Variants in DKK2 observed in about 807,000 individuals in gnomAD.
DKK2 encodes the protein dickkopf Wnt signaling pathway inhibitor 2.
In DKK2, 11 loss-of-function variants were observed where a neutral mutation model predicts 28.1. The ratio of observed to expected loss-of-function variants is 0.39; its 90% confidence interval spans 0.25 to 0.65. The LOEUF is 0.65. DKK2 is among the 30% of genes least tolerant of loss of function. The pLI, the probability that DKK2 is intolerant of heterozygous loss-of-function variation, is 0.47. For synonymous variants in DKK2, 135 were observed against 126.5 expected (o/e 1.07, Z -0.45); for missense variants, 326 against 335.5 (o/e 0.97, Z 0.22).
At chr4:106,928,566 A>G (rs998677015) in intron 1 of DKK2, among the ~76,000 whole-genome samples, 1 of 152,182 alleles carries the variant, frequency 6.6e-6, no homozygotes, top group Non-Finnish European at 1.5e-5. Flanking sequence ...TATGAATACA[A>G]TCAAGAAGGG....
intron 1 of DKK2, among the ~76,000 whole-genome samples, chr4:106,931,563 T>C (rs1165228829): frequency 6.6e-6 from 1 of 152,126 alleles, no homozygotes; most frequent in East Asian, 1.9e-4. Context: ...ATAAAATAAC[T>C]TGACTATTAA....
intron 1 of DKK2, among the ~76,000 whole-genome samples, chr4:106,944,492 C>A (rs1253584074): frequency 3.3e-5 from 5 of 152,032 alleles, no homozygotes; most frequent in Non-Finnish European, 7.4e-5. Context: ...TTTTTTCATA[C>A]CCTGATCCCA....
At chr4:106,928,232 T>C (rs1724451319) in intron 1 of DKK2, among the ~76,000 whole-genome samples, 1 of 152,140 alleles carries the variant, frequency 6.6e-6, no homozygotes, top group African/African-American at 2.4e-5. Flanking sequence ...ATTATAATAA[T>C]TTAATTTTGA....
rs190070115 is a variant in DKK2, at chr4:107,036,053, A to G, written c.-462T>C. ...TTGCTTTTCTCTCCTCTCTTTTCCT[A>G]TCCTTTATGTGTCAAACTTTGCAGG... is the stretch of plus-strand genomic sequence containing the variant. On this transcript the variant is annotated 5_prime_UTR_variant, in exon 1 of 4. Coordinates refer to ENST00000285311, the MANE Select transcript of DKK2 (RefSeq NM_014421.3). 8.6e-5 allele frequency: 15 copies of G among 175,262 alleles called. No individual in the cohort carries two copies. The highest frequency in any genetic ancestry group is 3.4e-4 in the Admixed American group (6 of 17,666). 10.9% of individuals were successfully genotyped at this position (175,262 alleles called of 1,614,324 possible).
intron 1 of DKK2, among the ~76,000 whole-genome samples, chr4:107,005,615 A>G (rs146056173): frequency 1.6e-3 from 247 of 152,240 alleles, no homozygotes; most frequent in African/African-American, 5.6e-3. Context: ...CTATGAATGC[A>G]GTCAAGCTCC....
At chr4:106,946,016 T>C (rs1225968806) in intron 1 of DKK2, among the ~76,000 whole-genome samples, 5 of 152,130 alleles carry the variant, frequency 3.3e-5, no homozygotes, top group African/African-American at 1.2e-4. Context: ...CAGGAGACCC[T>C]GAAAATAACA....
In DKK2 at chr4:106,921,909, A is replaced by G. The variant is rs563018051; in HGVS notation, c.*2045T>C. On this transcript the variant is annotated 3_prime_UTR_variant, in exon 4 of 4. Coordinates refer to ENST00000285311, the MANE Select transcript of DKK2 (RefSeq NM_014421.3). ...ATATTCTGCTACAAAGCTTTCTGTA[A>G]GAAATATCTCTATAAGAAAATACAT... 6.5e-6 allele frequency: 1 copy of G among 152,758 alleles called. No homozygotes were observed. Among genetic ancestry groups the G allele is most frequent in the African/African-American group, 2.4e-5 (1 of 41,584 alleles). The allele number at this position is 152,758 out of a possible 1,614,324, so 9.5% of individuals were successfully genotyped here. A position where few individuals can be genotyped will look rare whatever the true frequency, so the allele number is the denominator to read the frequency against.
At chr4:107,032,104 C>T (rs1371121516) in intron 1 of DKK2, among the ~76,000 whole-genome samples, 2 of 151,956 alleles carry the variant, frequency 1.3e-5, no homozygotes, top group African/African-American at 4.8e-5. Flanking sequence ...ATATACAGCA[C>T]ATACATGCAG....
chr4:107,009,738 A>T (rs1723489307), intron 1 of DKK2, among the ~76,000 whole-genome samples: 2 of 151,878 alleles, frequency 1.3e-5, no homozygotes, highest in Non-Finnish European at 2.9e-5. Context: ...TAAAATACAC[A>T]AGCCCTCACT....
intron 1 of DKK2, among the ~76,000 whole-genome samples, chr4:106,972,156 C>T (rs1201478019): frequency 6.6e-6 from 1 of 152,006 alleles, no homozygotes; most frequent in Non-Finnish European, 1.5e-5. Context: ...ACTGTAATTT[C>T]TTGTGCCTGA....
At chr4:106,969,261 C>A (rs1722827433) in intron 1 of DKK2, among the ~76,000 whole-genome samples, 1 of 151,638 alleles carries the variant, frequency 6.6e-6, no homozygotes, top group Non-Finnish European at 1.5e-5. Flanking sequence ...ATCTCCCCCT[C>A]CCCTCTCCCT....
At chr4:107,031,147 G>A (rs1334550335) in intron 1 of DKK2, among the ~76,000 whole-genome samples, 3 of 151,930 alleles carry the variant, frequency 2.0e-5, no homozygotes, top group East Asian at 1.9e-4. Context: ...GGAAAGGAAC[G>A]TTAATGTAGA....
intron 1 of DKK2, among the ~76,000 whole-genome samples, chr4:106,986,635 A>C (rs1470387841): frequency 2.0e-5 from 3 of 152,170 alleles, no homozygotes; most frequent in Non-Finnish European, 2.9e-5. Flanking sequence ...TGTTACATGT[A>C]ACTAGAGTGA....
At chr4:106,965,843 G>T (rs185270851) in intron 1 of DKK2, among the ~76,000 whole-genome samples, 3,823 of 147,372 alleles carry the variant, frequency 0.026, 61 homozygotes, top group Non-Finnish European at 0.036. Context: ...AGAATATGCG[G>T]TGTTTGGTTT....
At chr4:107,024,395 A>C (rs1723741354) in intron 1 of DKK2, among the ~76,000 whole-genome samples, 1 of 152,210 alleles carries the variant, frequency 6.6e-6, no homozygotes, top group Admixed American at 6.5e-5. Context: ...GAAATATGAA[A>C]GTATGACTAC....
intron 1 of DKK2, among the ~76,000 whole-genome samples, chr4:106,976,044 G>C (rs975707265): frequency 1.3e-5 from 2 of 152,136 alleles, no homozygotes; most frequent in Non-Finnish European, 2.9e-5. Context: ...ATGTAGTTGT[G>C]CGGTTTTGAG....
intron 1 of DKK2, among the ~76,000 whole-genome samples, chr4:107,030,288 A>C (rs1213708732): frequency 6.6e-6 from 1 of 152,096 alleles, no homozygotes; most frequent in Non-Finnish European, 1.5e-5. Flanking sequence ...GTTCCTGTCA[A>C]GAGTGGACAG....
chr4:106,965,715 A>G (rs1189052806), intron 1 of DKK2, among the ~76,000 whole-genome samples: 2 of 148,246 alleles, frequency 1.3e-5, no homozygotes, highest in Non-Finnish European at 3.0e-5. Flanking sequence ...ATCTAGCATT[A>G]GGTATATCTC....
intron 1 of DKK2, among the ~76,000 whole-genome samples, chr4:107,004,142 T>C (rs1197631979): frequency 6.6e-6 from 1 of 152,142 alleles, no homozygotes; most frequent in Non-Finnish European, 1.5e-5. Context: ...CCAGACCACA[T>C]AAGCAGAGTC....
Sources: allele counts gnomAD v4.1 joint callset (sites outside exome capture counted in the v4.1 genomes callset), GRCh38; gene constraint gnomAD v4.1.1; transcripts MANE v1.5; gene names NCBI Gene and HGNC (gene_info 2026-07-23, HGNC 2026-07-21).